RTN4: variants seen among roughly 807,000 people sequenced by gnomAD.
RTN4 encodes reticulon 4, also known as reticulon-4.
In RTN4, 32 loss-of-function variants were observed where a neutral mutation model predicts 90.4. The ratio of observed to expected loss-of-function variants is 0.35; its 90% CI spans 0.27 to 0.48. The LOEUF is 0.48. Among genes scored for constraint, RTN4 ranks in the 20% least tolerant of loss-of-function variants. The pLI is 0.99. For missense variants in RTN4, 1,706 were observed against 1,430.2 expected, an observed-to-expected ratio of 1.19 and a Z score of -3.11; for synonymous variants, 629 against 552.5, an observed-to-expected ratio of 1.14 and a Z score of -1.94.
intron 3 of RTN4, among the ~76,000 whole-genome samples, chr2:54,998,447 C>T (rs1558784679): frequency 6.6e-6 from 1 of 152,124 alleles, no homozygotes; most frequent in Non-Finnish European, 1.5e-5. Context: ...TACCTTATGA[C>T]AGGTCACTAA....
intron 1 of RTN4, among the ~76,000 whole-genome samples, chr2:55,091,940 C>T (rs1668945053): frequency 6.6e-6 from 1 of 152,148 alleles, no homozygotes; most frequent in African/African-American, 2.4e-5. Flanking sequence ...GCAAGACTGG[C>T]CCCCATGATT....
intron 4 of RTN4, among the ~76,000 whole-genome samples, chr2:54,983,852 G>A (rs1325141545): frequency 6.6e-6 from 1 of 152,114 alleles, no homozygotes; most frequent in Non-Finnish European, 1.5e-5. Flanking sequence ...ACTTCTCTGG[G>A]TAAGTGCTCC....
At chr2:55,125,465 T>A in the RTN4 span, among the ~76,000 whole-genome samples, 1 of 152,210 alleles carries the variant, frequency 6.6e-6, no homozygotes, top group Non-Finnish European at 1.5e-5. Flanking sequence ...GAACAGATAC[T>A]TCTCAAAAGA....
At chr2:55,067,922 T>C (rs918430757) in intron 2 of RTN4, among the ~76,000 whole-genome samples, 2 of 152,242 alleles carry the variant, frequency 1.3e-5, no homozygotes, top group African/African-American at 2.4e-5. Context: ...TAGCTATTGC[T>C]GAAACAATAA....
At chr2:55,091,624 T>A (rs975131175) in intron 1 of RTN4, among the ~76,000 whole-genome samples, 37 of 152,144 alleles carry the variant, frequency 2.4e-4, no homozygotes, top group Admixed American at 1.1e-3. Flanking sequence ...GCCCAGGAGT[T>A]TGGGACCTGC....
At chr2:55,118,249 G>C in the RTN4 span, among the ~76,000 whole-genome samples, 1 of 152,024 alleles carries the variant, frequency 6.6e-6, no homozygotes, top group African/African-American at 2.4e-5. Context: ...AGGATTGCTT[G>C]AGCCCAGGAG....
intron 3 of RTN4, among the ~76,000 whole-genome samples, chr2:55,012,996 A>G (rs1275180033): frequency 6.6e-6 from 1 of 152,172 alleles, no homozygotes; most frequent in African/African-American, 2.4e-5. Flanking sequence ...AAAAAAATTA[A>G]TTCTTTTGAG....
At chr2:55,086,295 T>G (rs1313459402) in intron 1 of RTN4, among the ~76,000 whole-genome samples, 2 of 152,120 alleles carry the variant, frequency 1.3e-5, no homozygotes, top group Non-Finnish European at 2.9e-5. Context: ...TAACTCAGAT[T>G]ATAAGTTTAC....
intron 1 of RTN4, among the ~76,000 whole-genome samples, chr2:55,033,972 T>C (rs1371671936): frequency 6.6e-6 from 1 of 152,198 alleles, no homozygotes; most frequent in Non-Finnish European, 1.5e-5. Context: ...TAGAACTTAT[T>C]CCTTCTATCC....
At chr2:54,975,098 G>C (rs1295647402) in intron 5 of RTN4, among the ~76,000 whole-genome samples, 3 of 152,204 alleles carry the variant, frequency 2.0e-5, no homozygotes, top group Non-Finnish European at 1.5e-5. Context: ...GGTGTTATGA[G>C]AATTGTCTAT....
At chr2:55,004,790 G>A (rs1680088729) in intron 3 of RTN4, among the ~76,000 whole-genome samples, 1 of 151,934 alleles carries the variant, frequency 6.6e-6, no homozygotes, top group African/African-American at 2.4e-5. Flanking sequence ...AAAGAGCCAA[G>A]ATATTTATGT....
chr2:55,067,822 C>G (rs1466358430), intron 2 of RTN4, among the ~76,000 whole-genome samples: 2 of 152,044 alleles, frequency 1.3e-5, no homozygotes, highest in African/African-American at 4.8e-5. Flanking sequence ...ATTTACTGTG[C>G]TATAAGTTAA....
At position 55,026,863 on chromosome 2, in the gene RTN4, G is replaced by C; in HGVS notation, c.1236C>G (p.Ile412Met). The C allele has an allele frequency of 6.2e-7, 1 of 1,613,718 alleles. No homozygotes were observed. Among genetic ancestry groups the C allele is most frequent in the South Asian group, 1.1e-5 (1 of 91,068 alleles). ...CCACTTTACTTTCCAAGTTGCTCTC[G>C]ATTTTACCTCCAGCAGCCAACATAT... is the stretch of plus-strand genomic sequence containing the variant. ...DSDMLAAGGKIESNLESKVDK... is the reference protein window; with the variant it reads ...DSDMLAAGGKMESNLESKVDK... Residue 412 changes from isoleucine (I) to methionine (M), a missense_variant, in exon 3 of 9, where the codon ATC (isoleucine) becomes ATG (methionine). Coordinates refer to ENST00000337526, the MANE Select transcript of RTN4 (RefSeq NM_020532.5).
intron 1 of RTN4, among the ~76,000 whole-genome samples, chr2:55,098,480 T>C (rs185865077): frequency 6.6e-6 from 1 of 152,274 alleles, no homozygotes; most frequent in African/African-American, 2.4e-5. Flanking sequence ...AATTCTCTTT[T>C]ATCTTTACTT....
intron 2 of RTN4, among the ~76,000 whole-genome samples, chr2:55,073,273 G>A (rs544091997): frequency 7.9e-5 from 12 of 152,028 alleles, no homozygotes; most frequent in Non-Finnish European, 1.5e-4. Context: ...ATTTCTCTCC[G>A]TAAATACCAA....
At chr2:55,112,030 C>A (rs1327460441) in intron 1 of RTN4, among the ~76,000 whole-genome samples, 1 of 152,166 alleles carries the variant, frequency 6.6e-6, no homozygotes, top group Non-Finnish European at 1.5e-5. Context: ...CAAGAGGAAG[C>A]AACCACCTAG....
chr2:55,089,195 G>A (rs1351463072), intron 1 of RTN4, among the ~76,000 whole-genome samples: 1 of 152,142 alleles, frequency 6.6e-6, no homozygotes, highest in Non-Finnish European at 1.5e-5. Context: ...ACCGCGCCGG[G>A]CCAGAGTAGG....
At chr2:54,989,010 A>G (rs1483185339) in intron 3 of RTN4, among the ~76,000 whole-genome samples, 1 of 152,212 alleles carries the variant, frequency 6.6e-6, no homozygotes, top group Non-Finnish European at 1.5e-5. Flanking sequence ...TCTTTCTAAG[A>G]AGAGGTGACA....
At chr2:55,097,712 G>T (rs765081067) in intron 1 of RTN4, among the ~76,000 whole-genome samples, 1 of 152,112 alleles carries the variant, frequency 6.6e-6, no homozygotes, top group Non-Finnish European at 1.5e-5. Flanking sequence ...TGCTGGGAAA[G>T]ATAATGAGCT....
Sources: gnomAD v4.1 joint callset for allele counts (sites outside exome capture counted in the v4.1 genomes callset) on GRCh38, gnomAD v4.1.1 for gene constraint, MANE v1.5 for transcripts, NCBI Gene and HGNC (gene_info 2026-07-23, HGNC 2026-07-21) for gene names.